The following PCGF6 variants were observed in gnomAD, a reference collection of about 807,000 sequenced individuals.
PCGF6 encodes the protein polycomb group ring finger 6.
PCGF6 carries 24 observed loss-of-function variants against 45.5 expected under a neutral mutation model. The ratio of observed to expected loss-of-function variants is 0.53; its 90% CI spans 0.38 to 0.74. The LOEUF (loss-of-function observed/expected upper bound fraction) is 0.74, where lower values mean the gene tolerates loss of function less well. PCGF6 is among the 30% of genes least tolerant of loss of function. PCGF6 has a pLI of 0.00. For synonymous variants in PCGF6, 152 were observed against 162.1 expected, an observed-to-expected ratio of 0.94 and a Z score of 0.47; for missense variants, 356 against 443.2, an observed-to-expected ratio of 0.80 and a Z score of 1.77.
rs1402855682 is a variant in PCGF6, at chr10:103,316,255, A to G, written c.910-1983T>C. Among the ~76,000 whole-genome samples, 3 of 152,048 alleles carry G rather than the reference A, an allele frequency of 2.0e-5. 1 individual carries two copies. The South Asian group carries it at 6.2e-4, about 31-fold the overall frequency. On this transcript the variant is annotated intron_variant, in intron 8 of 9. Transcript: ENST00000369847. ...TTTCAACTACTGCCCATAGACTTAA[A>G]CCACTAAAACTACCTCCTAGCCAGA...
chr10:103,341,093 G>A (rs1276107290), intron 6 of PCGF6, among the ~76,000 whole-genome samples: 3 of 151,672 alleles, frequency 2.0e-5, no homozygotes, highest in Admixed American at 2.0e-4. Flanking sequence ...GCCAGGCATG[G>A]TGGCTGGCAC....
intron 8 of PCGF6, among the ~76,000 whole-genome samples, chr10:103,319,078 T>C (rs1352560305): frequency 4.6e-5 from 7 of 152,238 alleles, no homozygotes; most frequent in Non-Finnish European, 1.0e-4. Flanking sequence ...AGCAAGATCA[T>C]GCTAGAGCTT....
chr10:103,350,909 G>A lies in PCGF6; in HGVS notation c.158C>T (p.Ala53Val), dbSNP rs1160014094. The A allele has an allele frequency of 6.6e-7, 1 of 1,524,786 alleles. No homozygotes were observed. 94.5% of individuals were successfully genotyped at this position (1,524,786 alleles called of 1,614,324 possible). ...GGGCCGGGAGCCGGAGCAGCCGGGA[G>A]CCCCCGTCTCAGACAGAGGCGCCGG... ...EGPAPLSETG[A>V]PGCSGSRPPE... Residue 53 changes from alanine to valine, a missense_variant, in exon 1 of 10, where the codon GCT becomes GTT. Ala to Val is a moderately conservative substitution (Grantham distance 64). Coordinates refer to ENST00000369847, the MANE Select transcript of PCGF6 (RefSeq NM_001011663.2).
chr10:103,306,522 C>G (rs1307497749), intron 9 of PCGF6, among the ~76,000 whole-genome samples: 1 of 152,294 alleles, frequency 6.6e-6, no homozygotes, highest in African/African-American at 2.4e-5. Flanking sequence ...GGTTGCAGCT[C>G]ATATATCCTG....
Position 103,303,968 on chromosome 10 carries a change from AGG to A in PCGF6, c.997-9_997-8del. ...GAAGGACAAGCAGACCATCCTGAAA[AGG>A]GGAGAAAAAAAGACGATTTTGCAGT... On this transcript the variant is annotated splice_polypyrimidine_tract_variant and splice_region_variant and intron_variant, in intron 9 of 9. Coordinates refer to ENST00000369847, the MANE Select transcript of PCGF6 (RefSeq NM_001011663.2). The A allele has an allele frequency of 2.5e-6, 4 of 1,612,644 alleles. No homozygotes were observed. Among genetic ancestry groups the A allele is most frequent in the Non-Finnish European group, 3.4e-6 (4 of 1,178,862 alleles).
rs1212804599 is a variant in PCGF6, at chr10:103,319,159, CTTCTT to C, written c.910-4892_910-4888del. 1.4e-4 allele frequency among the ~76,000 whole-genome samples: 21 copies of C among 152,162 alleles called. No homozygotes were observed. The East Asian group carries it at 3.9e-3, about 28-fold the overall frequency. ...GCTCATTCCTTTGATCATACATACT[CTTCTT>C]TTCGAGATGGAGTCTCACTCTGCCG... On this transcript the variant is annotated intron_variant, in intron 8 of 9. Coordinates refer to ENST00000369847, the MANE Select transcript of PCGF6 (RefSeq NM_001011663.2).
intron 6 of PCGF6, among the ~76,000 whole-genome samples, chr10:103,344,790 G>A (rs918796018): frequency 1.3e-5 from 2 of 151,554 alleles, no homozygotes; most frequent in Non-Finnish European, 2.9e-5. Context: ...GGCTGGTCTC[G>A]AACTCCTGAC....
chr10:103,347,474 A>T (rs775621402), intron 3 of PCGF6, 24 bp from the exon 4 acceptor site: 2 of 1,568,670 alleles, frequency 1.3e-6, no homozygotes, highest in Non-Finnish European at 1.7e-6. Context: ...AGGATGGAGA[A>T]TACCTCAGAA....
chr10:103,348,615 A>G, intron 3 of PCGF6, 101 bp downstream of exon 3: 5 of 907,170 alleles, frequency 5.5e-6, no homozygotes, highest in Non-Finnish European at 8.1e-6. Context: ...TTAGCCACTG[A>G]ACCCATCCTG....
chr10:103,332,260 A>T (rs1224319438), intron 7 of PCGF6, among the ~76,000 whole-genome samples: 2 of 152,118 alleles, frequency 1.3e-5, no homozygotes, highest in African/African-American at 4.8e-5. Flanking sequence ...TGTGTTTCTG[A>T]GGAAGCAGTA....
intron 6 of PCGF6, among the ~76,000 whole-genome samples, chr10:103,340,867 T>G (rs2093278046): frequency 6.6e-6 from 1 of 152,164 alleles, no homozygotes; most frequent in Non-Finnish European, 1.5e-5. Flanking sequence ...CTTTCCAAAG[T>G]GCTAGGATTA....
At position 103,313,306 on chromosome 10, in the gene PCGF6, T is replaced by C. The variant is rs550087710; in HGVS notation, c.996+880A>G. Reference sequence around the variant, plus strand: ...CAGGCTGGGCAGAGGGGCTCACCCCTGTAATCCCAGCCCTTTGGGAGGCCA... The same window carrying C: ...CAGGCTGGGCAGAGGGGCTCACCCCCGTAATCCCAGCCCTTTGGGAGGCCA... On this transcript the variant is annotated intron_variant, in intron 9 of 9. Transcript: ENST00000369847. 1.8e-3 allele frequency among the ~76,000 whole-genome samples: 280 copies of C among 152,350 alleles called. 4 individuals are homozygous for C. The highest frequency in any genetic ancestry group is 6.6e-3 in the South Asian group (32 of 4,832).
At chr10:103,325,718 G>T (rs1362938745) in intron 8 of PCGF6, among the ~76,000 whole-genome samples, 1 of 152,014 alleles carries the variant, frequency 6.6e-6, no homozygotes, top group Non-Finnish European at 1.5e-5. Flanking sequence ...GCCATCAGTG[G>T]CAGTAGGAAA....
chr10:103,347,196 T>C, intron 5 of PCGF6, 42 bp downstream of exon 5: 1 of 1,440,458 alleles, frequency 6.9e-7, no homozygotes, highest in Non-Finnish European at 9.6e-7. Flanking sequence ...TTGTTAGTAT[T>C]CTTTAATCTG....
At chr10:103,340,508 G>A (rs1350823354) in intron 6 of PCGF6, among the ~76,000 whole-genome samples, 1 of 151,990 alleles carries the variant, frequency 6.6e-6, no homozygotes, top group African/African-American at 2.4e-5. Flanking sequence ...TACCATCGTT[G>A]TATTACAATA....
intron 6 of PCGF6, among the ~76,000 whole-genome samples, chr10:103,337,921 G>C (rs1424813850): frequency 9.1e-6 from 1 of 110,418 alleles, no homozygotes; most frequent in African/African-American, 3.3e-5. Context: ...AAAATTAGCC[G>C]GGCGTAGTGG....
intron 8 of PCGF6, among the ~76,000 whole-genome samples, chr10:103,314,628 A>G (rs542000819): frequency 6.6e-6 from 1 of 152,304 alleles, no homozygotes; most frequent in East Asian, 1.9e-4. Context: ...GTAGCAAAGG[A>G]AAGTATATCT....
chr10:103,342,529 T>C (rs907245844), intron 6 of PCGF6, among the ~76,000 whole-genome samples: 8 of 151,992 alleles, frequency 5.3e-5, no homozygotes, highest in Non-Finnish European at 8.8e-5. Flanking sequence ...CCACCATGCC[T>C]GGCCAAGATT....
intron 8 of PCGF6, among the ~76,000 whole-genome samples, chr10:103,322,751 G>A (rs1054770121): frequency 2.6e-5 from 4 of 151,916 alleles, no homozygotes; most frequent in African/African-American, 9.7e-5. Flanking sequence ...TGGAACCCGG[G>A]AGGTAGAGAC....
Sources: allele counts gnomAD v4.1 joint callset (sites outside exome capture counted in the v4.1 genomes callset), GRCh38; gene constraint gnomAD v4.1.1; transcripts MANE v1.5; gene names NCBI Gene and HGNC (gene_info 2026-07-23, HGNC 2026-07-21).